The following PTRH1 variants were observed in gnomAD, a reference collection of about 807,000 sequenced individuals.
The protein encoded by PTRH1 is peptidyl-tRNA hydrolase 1 homolog, also known as peptidyl-tRNA hydrolase.
In PTRH1, 13 loss-of-function variants were observed where a neutral mutation model predicts 15.7. The observed-to-expected ratio is 0.83, with a 90% CI of 0.54 to 1.31. The LOEUF is 1.31. Among genes scored for constraint, PTRH1 ranks in the 40% most tolerant of loss-of-function variants. The probability of loss-of-function intolerance (pLI) is 0.00; values close to 1 mark genes in which losing one functional copy is unlikely to be tolerated. For synonymous variants in PTRH1, 139 were observed against 136.7 expected (o/e 1.02, Z -0.12); for missense variants, 319 against 296.2 (o/e 1.08, Z -0.56).
chr9:127,708,274 C>T (rs1320184443), intron 1 of PTRH1, among the ~76,000 whole-genome samples: 2 of 152,092 alleles, frequency 1.3e-5, no homozygotes, highest in African/African-American at 4.8e-5. Flanking sequence ...GTCAGGAGTT[C>T]GAGACCAGCC....
rs1397535051 is a variant in PTRH1, at chr9:127,714,403, G to A, written c.438C>T (p.Ser146=). The A allele has an allele frequency of 1.2e-6, 2 of 1,614,236 alleles. No individual in the cohort carries two copies. The highest frequency in any genetic ancestry group is 3.3e-5 in the Admixed American group (2 of 60,026). ...CATTGGAGTTGAGGCAGCTAATGCAGGAACGGACTCCATTGTGGCCCCTTC... is the reference window on the plus strand; with the variant it reads ...CATTGGAGTTGAGGCAGCTAATGCAAGAACGGACTCCATTGTGGCCCCTTC... ...GSARGHNGVR[S]CISCLNSNAM... is the part of the protein sequence containing the mutation. The change falls in exon 4 of 5, where the codon TCC becomes TCT. Residue 146 remains serine (S), a synonymous_variant. Transcript: ENST00000543175.
intron 1 of PTRH1, among the ~76,000 whole-genome samples, chr9:127,702,190 G>A (rs1259490153): frequency 7.9e-5 from 12 of 151,982 alleles, no homozygotes; most frequent in Admixed American, 4.6e-4. Context: ...TGGCTAACAC[G>A]GTGAAACCCT....
downstream of PTRH1, chr9:127,710,655 A>C (rs760642552): frequency 4.4e-6 from 7 of 1,586,894 alleles, no homozygotes; most frequent in Non-Finnish European, 6.0e-6. Flanking sequence ...GAGGTCACGG[A>C]CAAGTTCACA....
At chr9:127,712,822 G>A (rs1842798842), downstream of PTRH1, 2 of 1,614,026 alleles carry the variant, frequency 1.2e-6, no homozygotes, top group Non-Finnish European at 1.7e-6. Flanking sequence ...CGAGACCTCA[G>A]AAGGCTGCGT....
intron 1 of PTRH1, among the ~76,000 whole-genome samples, chr9:127,700,867 C>T (rs1842598712): frequency 6.6e-6 from 1 of 152,232 alleles, no homozygotes; most frequent in African/African-American, 2.4e-5. Flanking sequence ...AGGCTGACTT[C>T]AGCAACTTTC....
chr9:127,714,812 A>C, intron 2 of PTRH1, 110 bp from the exon 3 acceptor site: 1 of 1,119,304 alleles, frequency 8.9e-7, no homozygotes, highest in Non-Finnish European at 1.3e-6. Context: ...ATATAAAGAA[A>C]CTGAGGCCCC....
chr9:127,702,931 G>C (rs1478894112), intron 1 of PTRH1, among the ~76,000 whole-genome samples: 1 of 150,622 alleles, frequency 6.6e-6, no homozygotes, highest in Non-Finnish European at 1.5e-5. Context: ...ATGTTGGCCA[G>C]GCTGGTCTCG....
chr9:127,707,394 C>T (rs1026712858), intron 1 of PTRH1, among the ~76,000 whole-genome samples: 1 of 152,190 alleles, frequency 6.6e-6, no homozygotes, highest in African/African-American at 2.4e-5. Flanking sequence ...TGGATTTCCC[C>T]ACCTTCCCAG....
At chr9:127,709,808 C>A (rs916806932), downstream of PTRH1, 24 of 1,175,304 alleles carry the variant, frequency 2.0e-5, no homozygotes, top group African/African-American at 2.6e-4. The surrounding 1 kb of genome is among the most constrained non-coding windows in gnomAD (Gnocchi z 4.7). Flanking sequence ...CACACACTGT[C>A]TTCCTTAATT....
At chr9:127,711,599 G>A, downstream of PTRH1, 1 of 1,440,456 alleles carries the variant, frequency 6.9e-7, no homozygotes. Context: ...TCAGGAGGGA[G>A]GGAGGCAGCA....
At chr9:127,699,999 G>A (rs1327524142) in intron 1 of PTRH1, among the ~76,000 whole-genome samples, 1 of 151,946 alleles carries the variant, frequency 6.6e-6, no homozygotes, top group Non-Finnish European at 1.5e-5. Flanking sequence ...TGGCCAACAC[G>A]GTGAAACCCC....
chr9:127,713,695 CA>C (rs1400571329), downstream of PTRH1: 1 of 624,774 alleles, frequency 1.6e-6, no homozygotes, highest in Non-Finnish European at 2.9e-6. Context: ...TTAGTAGAGA[CA>C]GGGTTTCACC....
chr9:127,707,141 T>C, intron 1 of PTRH1: 1 of 1,613,616 alleles, frequency 6.2e-7, no homozygotes, highest in Non-Finnish European at 8.5e-7. Context: ...GCCAAGGAGA[T>C]GAAGGAGTTC....
At chr9:127,711,873 G>T, downstream of PTRH1, 1 of 1,588,476 alleles carries the variant, frequency 6.3e-7, no homozygotes, top group Non-Finnish European at 8.6e-7. Context: ...ACACCAAGGA[G>T]GCCGAGGAGC....
chr9:127,702,878 A>AT (rs768006652), intron 1 of PTRH1, among the ~76,000 whole-genome samples: 8,970 of 140,434 alleles, frequency 0.064, 659 homozygotes, highest in African/African-American at 0.18. Flanking sequence ...CGCCTGGCTA[A>AT]TTTTTTTTTT....
intron 1 of PTRH1, among the ~76,000 whole-genome samples, chr9:127,703,519 TTAAAC>T (rs1218992564): frequency 6.6e-6 from 1 of 152,044 alleles, no homozygotes; most frequent in Non-Finnish European, 1.5e-5. Flanking sequence ...ATTACGCTAT[TTAAAC>T]TGATTGGTTG....
chr9:127,715,240 C>A lies in PTRH1; in HGVS notation c.97-46G>T. ...ACTGAGGCCCAACAACTCTCGCCACCCCCGATCTCACAGCGTCCCGTGGGC... is the reference window on the plus strand; with the variant it reads ...ACTGAGGCCCAACAACTCTCGCCACACCCGATCTCACAGCGTCCCGTGGGC... On this transcript the variant is annotated intron_variant, in intron 1 of 4. Coordinates refer to ENST00000543175, the MANE Select transcript of PTRH1 (RefSeq NM_001002913.3). The surrounding 1 kb of genome is among the most constrained non-coding windows in gnomAD (Gnocchi z 5.8). 6.6e-7 allele frequency: 1 copy of A among 1,512,918 alleles called. No individual in the cohort carries two copies. The highest frequency in any genetic ancestry group is 8.9e-7 in the Non-Finnish European group (1 of 1,126,538). 93.7% of individuals were successfully genotyped at this position (1,512,918 alleles called of 1,614,324 possible).
chr9:127,706,008 C>T (rs1188809252), intron 1 of PTRH1, among the ~76,000 whole-genome samples: 3 of 152,230 alleles, frequency 2.0e-5, no homozygotes, highest in African/African-American at 4.8e-5. Flanking sequence ...ACAAAGTGGG[C>T]GGGAGCTTCA....
chr9:127,705,773 GCCTCC>G lies in PTRH1; in HGVS notation c.205+9657_205+9661del, dbSNP rs1842641018. On this transcript the variant is annotated intron_variant, in intron 1 of 2. Coordinates refer to the PTRH1 transcript ENST00000335223. The surrounding 1 kb of genome is among the most constrained non-coding windows in gnomAD (Gnocchi z 4.7). ...TTGAGCTGGAAGGGCACTGGGCCAG[GCCTCC>G]CCGCTCTCCCCACAAGGCCTGGGCA... Among the ~76,000 whole-genome samples the G allele has an allele frequency of 6.6e-6, 1 of 152,224 alleles. No individual in the cohort carries two copies. The highest frequency in any genetic ancestry group is 2.1e-4 in the South Asian group (1 of 4,836).
Sources: gnomAD v4.1 joint callset for allele counts (sites outside exome capture counted in the v4.1 genomes callset) on GRCh38, gnomAD v4.1.1 for gene constraint, Gnocchi (gnomAD v3.1) non-coding constraint, MANE v1.5 for transcripts, NCBI Gene and HGNC (gene_info 2026-07-23, HGNC 2026-07-21) for gene names.